The following NSD1 variants were observed in gnomAD, a reference collection of about 807,000 sequenced individuals.
The protein encoded by NSD1 is nuclear receptor binding SET domain protein 1.
A neutral mutation model predicts 242.7 loss-of-function variants in NSD1; 26 were observed. The observed-to-expected ratio is 0.11, with a 90% confidence interval of 0.08 to 0.15. NSD1 has a LOEUF of 0.15. Among genes scored for constraint, NSD1 ranks in the 10% least tolerant of loss-of-function variants. The probability of loss-of-function intolerance (pLI) is 1.00; values close to 1 mark genes in which losing one functional copy is unlikely to be tolerated. For missense variants in NSD1, 2,495 were observed against 3,272.8 expected, an observed-to-expected ratio of 0.76 and a Z score of 5.80; for synonymous variants, 1,106 against 1,178.1, an observed-to-expected ratio of 0.94 and a Z score of 1.25.
rs28932179 is a variant in NSD1, at chr5:177,211,505, G to C, written c.3106G>C (p.Ala1036Pro). The C allele has an allele frequency of 0.026, 42,316 of 1,614,082 alleles. 665 individuals carry two copies. Among genetic ancestry groups the C allele is most frequent in the Middle Eastern group, 0.036 (220 of 6,062 alleles). Residue 1036 changes from alanine to proline, a missense_variant, in exon 5 of 23, where the codon GCC (alanine) becomes CCC (proline). Ala to Pro is a conservative substitution (Grantham distance 27). Around this residue, in one of 19 missense-constraint regions of NSD1, gnomAD observed 426 missense variants for 411.4 expected, o/e 1.04. Transcript: ENST00000439151. ...ATCCAAATTGCGAGATGCTTTTTCA[G>C]CCCAAATGGTAAAGAACACAGTGAA... ...PSSKLRDAFS[A>P]QMVKNTVNRK... is the part of the protein sequence containing the mutation.
In NSD1 at chr5:177,174,172, C is replaced by A. The variant is rs1032067193; in HGVS notation, c.928-17712C>A. Among the ~76,000 whole-genome samples the A allele has an allele frequency of 2.0e-5, 3 of 152,132 alleles. No individual in the cohort carries two copies. The East Asian group carries it at 5.9e-4, about 30-fold the overall frequency. ...ACGAGGTCAAGAGATCGAGACCATC[C>A]TGGCCAACATGGTGAAACCCCGTCT... On this transcript the variant is annotated intron_variant, in intron 2 of 22. Transcript: ENST00000439151.
chr5:177,165,857 G>T (rs1302742888), intron 2 of NSD1, among the ~76,000 whole-genome samples: 1 of 151,914 alleles, frequency 6.6e-6, no homozygotes. Context: ...TTCTAGCCTT[G>T]GCCTCCCGAA....
chr5:177,145,537 C>CA (rs1191475795), intron 2 of NSD1, among the ~76,000 whole-genome samples: 1 of 152,168 alleles, frequency 6.6e-6, no homozygotes, highest in African/African-American at 2.4e-5. Context: ...TCCTACTCTG[C>CA]ATGAGCCACC....
chr5:177,211,671 T>G lies in NSD1; in HGVS notation c.3272T>G (p.Leu1091Arg), dbSNP rs764231926. Residue 1091 changes from leucine (L) to arginine (R), a missense_variant, in exon 5 of 23, where the codon CTT (leucine) becomes CGT (arginine). This residue lies in a region of NSD1 where 426 missense variants were observed against 411.4 expected (regional missense o/e 1.04). Coordinates refer to ENST00000439151, the MANE Select transcript of NSD1 (RefSeq NM_022455.5). ...GAEDPSKEDPLQIMGHLTSED... is the reference protein window; with the variant it reads ...GAEDPSKEDPRQIMGHLTSED... ...GAAGATCCTAGTAAAGAGGATCCCC[T>G]TCAGATAATGGGCCACTTAACAAGT... The G allele has an allele frequency of 4.6e-5, 75 of 1,614,042 alleles. No homozygotes were observed. Among genetic ancestry groups the G allele is most frequent in the Non-Finnish European group, 6.2e-5 (73 of 1,180,038 alleles).
chr5:177,225,732 T>G (rs1403292761), intron 5 of NSD1, among the ~76,000 whole-genome samples: 4 of 152,206 alleles, frequency 2.6e-5, no homozygotes, highest in African/African-American at 9.7e-5. Context: ...GTTCACAATT[T>G]TCGTTCATTA....
At chr5:177,146,037 A>T (rs1757211952) in intron 2 of NSD1, among the ~76,000 whole-genome samples, 1 of 150,812 alleles carries the variant, frequency 6.6e-6, no homozygotes, top group Admixed American at 6.6e-5. Flanking sequence ...TACAGTGAAC[A>T]CTGACTGTGC....
chr5:177,254,151 T>C (rs966007759), intron 12 of NSD1, among the ~76,000 whole-genome samples: 3 of 152,074 alleles, frequency 2.0e-5, no homozygotes, highest in Non-Finnish European at 4.4e-5. Context: ...TTTCTCCTGT[T>C]GGTCAGGCTG....
chr5:177,192,073 A>C, intron 3 of NSD1, 54 bp downstream of exon 3: 13 of 1,456,472 alleles, frequency 8.9e-6, no homozygotes, highest in South Asian at 1.2e-5. Flanking sequence ...AGAATAACTC[A>C]ATTTTTGTTA....
intron 2 of NSD1, among the ~76,000 whole-genome samples, chr5:177,174,794 C>G (rs1760045780): frequency 6.7e-6 from 1 of 150,318 alleles, no homozygotes; most frequent in Non-Finnish European, 1.5e-5. Context: ...AACTCCTGAG[C>G]TCAGGTGATC....
At chr5:177,174,405 G>T (rs1359531743) in intron 2 of NSD1, among the ~76,000 whole-genome samples, 3 of 152,064 alleles carry the variant, frequency 2.0e-5, no homozygotes, top group Non-Finnish European at 4.4e-5. Context: ...TAGAGACAGG[G>T]CTTCGCCATG....
chr5:177,159,022 A>ATATATATATATATATATG (rs1215294756), intron 2 of NSD1, among the ~76,000 whole-genome samples: 67 of 121,396 alleles, frequency 5.5e-4, no homozygotes, highest in Non-Finnish European at 8.8e-4. Flanking sequence ...ATATATATAT[A>ATATATATATATATATATG]TATGAATGAT....
At chr5:177,138,521 G>T (rs1310270802) in intron 2 of NSD1, among the ~76,000 whole-genome samples, 2 of 152,176 alleles carry the variant, frequency 1.3e-5, no homozygotes, top group Admixed American at 6.5e-5. Flanking sequence ...CTCCCAAAGT[G>T]CTGGGATTAC....
rs1760321878 is a variant in NSD1 at position 177,297,441 on chromosome 5, A to G, written c.*1982A>G. ...ATATTAAGTATTTATCATGTGTGAG[A>G]ATAATAAATATATAACTGCAGCTAG... On this transcript the variant is annotated 3_prime_UTR_variant, in exon 23 of 23. Coordinates refer to ENST00000439151, the MANE Select transcript of NSD1 (RefSeq NM_022455.5). 4.3e-6 allele frequency: 1 copy of G among 230,646 alleles called. No individual in the cohort carries two copies. The highest frequency in any genetic ancestry group is 2.2e-5 in the African/African-American group (1 of 45,182). The allele number at this position is 230,646 out of a possible 1,614,324, so 14.3% of individuals were successfully genotyped here.
At chr5:177,200,644 T>C (rs1762443577) in intron 3 of NSD1, among the ~76,000 whole-genome samples, 2 of 152,214 alleles carry the variant, frequency 1.3e-5, no homozygotes, top group African/African-American at 4.8e-5. Context: ...CACATATAAC[T>C]AGAATCAGAC....
intron 13 of NSD1, among the ~76,000 whole-genome samples, chr5:177,258,766 C>T (rs1290242600): frequency 2.0e-5 from 3 of 152,140 alleles, no homozygotes; most frequent in Non-Finnish European, 4.4e-5. Flanking sequence ...GAACTCCTGA[C>T]GTCAGGTGAT....
intron 5 of NSD1, chr5:177,229,986 T>C (rs969365882): frequency 1.9e-5 from 3 of 161,592 alleles, no homozygotes; most frequent in African/African-American, 7.2e-5. Flanking sequence ...TCAAGTGATC[T>C]GCTGGCTTCA....
chr5:177,288,994 A>G (rs1759559365), intron 21 of NSD1, 69 bp downstream of exon 21: 6 of 1,056,024 alleles, frequency 5.7e-6, no homozygotes, highest in African/African-American at 1.6e-5. Flanking sequence ...GTGTTAGGGC[A>G]GTCTACATTT....
At chr5:177,152,335 ATG>A (rs1203491709) in intron 2 of NSD1, among the ~76,000 whole-genome samples, 3 of 150,234 alleles carry the variant, frequency 2.0e-5, no homozygotes, top group Admixed American at 6.7e-5. Flanking sequence ...GTATGTATGT[ATG>A]TATGTATGTA....
chr5:177,158,267 TTCTTTC>T (rs1225284819), intron 2 of NSD1, among the ~76,000 whole-genome samples: 1 of 103,496 alleles, frequency 9.7e-6, no homozygotes, highest in Admixed American at 1.0e-4. Flanking sequence ...CTTTCTTTCT[TTCTTTC>T]TTTCTTTCTT....
Sources: gnomAD v4.1 joint callset for allele counts (sites outside exome capture counted in the v4.1 genomes callset) on GRCh38, gnomAD v4.1.1 for gene constraint, gnomAD v4.1.1 regional missense constraint, MANE v1.5 for transcripts, NCBI Gene and HGNC (gene_info 2026-07-23, HGNC 2026-07-21) for gene names.